The following PAX8 variants were observed in gnomAD, a reference collection of about 807,000 sequenced individuals.
PAX8 encodes the protein paired box protein Pax-8.
A neutral mutation model predicts 52.4 loss-of-function variants in PAX8; 15 were observed. The ratio of observed to expected loss-of-function variants is 0.29; its 90% CI spans 0.19 to 0.44. The LOEUF (loss-of-function observed/expected upper bound fraction) is 0.44. Among genes scored for constraint, PAX8 ranks in the 20% least tolerant of loss-of-function variants. The probability of loss-of-function intolerance (pLI) is 1.00; values close to 1 mark genes in which losing one functional copy is unlikely to be tolerated. For missense variants in PAX8, 554 were observed against 602.5 expected, an observed-to-expected ratio of 0.92 and a Z score of 0.84; for synonymous variants, 284 against 249.7, an observed-to-expected ratio of 1.14 and a Z score of -1.29.
At chr2:113,248,914 C>A (rs1303360384) in intron 2 of PAX8, among the ~76,000 whole-genome samples, 1 of 152,016 alleles carries the variant, frequency 6.6e-6, no homozygotes, top group Non-Finnish European at 1.5e-5. Flanking sequence ...TGTGATGATC[C>A]CAGATCGCAT....
chr2:113,276,669 A>C (rs1391533576), intron 2 of PAX8: 1 of 152,130 alleles, frequency 6.6e-6, no homozygotes, highest in East Asian at 1.9e-4. Flanking sequence ...GCGAAAAAAA[A>C]AAAAAGCTCA....
chr2:113,226,513 C>G, intron 10 of PAX8: 1 of 988,346 alleles, frequency 1.0e-6, no homozygotes, highest in Non-Finnish European at 1.2e-6. Flanking sequence ...AAATGACTGG[C>G]AGGCAGGTTC....
intron 9 of PAX8, among the ~76,000 whole-genome samples, chr2:113,228,315 C>G (rs1192422315): frequency 6.6e-6 from 1 of 152,210 alleles, no homozygotes; most frequent in Non-Finnish European, 1.5e-5. Context: ...AGGTGATGAC[C>G]AGTATCCCAG....
chr2:113,256,606 A>G (rs1573508229), intron 2 of PAX8, among the ~76,000 whole-genome samples: 1 of 141,158 alleles, frequency 7.1e-6, no homozygotes, highest in East Asian at 2.0e-4. Context: ...TGGAATATAT[A>G]TGTGTGTGTG....
chr2:113,246,401 C>T (rs1691324515), intron 3 of PAX8, among the ~76,000 whole-genome samples: 1 of 152,072 alleles, frequency 6.6e-6, no homozygotes, highest in Non-Finnish European at 1.5e-5. Flanking sequence ...TCCCTAGTGG[C>T]CTAATTTCCC....
intron 2 of PAX8, chr2:113,274,924 T>C (rs1211293051): frequency 6.6e-6 from 1 of 152,192 alleles, no homozygotes; most frequent in Non-Finnish European, 1.5e-5. Flanking sequence ...CTCAATAAAT[T>C]AGAGATTTGA....
At chr2:113,277,697 G>A (rs1693921013) in intron 2 of PAX8, among the ~76,000 whole-genome samples, 1 of 152,198 alleles carries the variant, frequency 6.6e-6, no homozygotes, top group Non-Finnish European at 1.5e-5. Context: ...AACAGGCATC[G>A]CGGCCTGGGA....
chr2:113,224,088 G>A (rs1689404551), intron 10 of PAX8, among the ~76,000 whole-genome samples: 2 of 152,006 alleles, frequency 1.3e-5, no homozygotes, highest in African/African-American at 4.8e-5. Context: ...AGGGATGGGT[G>A]GAAGAATGGA....
chr2:113,276,353 G>T (rs912317828), intron 2 of PAX8: 3 of 152,156 alleles, frequency 2.0e-5, no homozygotes, highest in Non-Finnish European at 4.4e-5. Context: ...ACTATGAGAA[G>T]AAAGTCTCAT....
rs116249963 is a variant in PAX8 at position 113,264,691 on chromosome 2, A to T, written c.25+13679T>A. On this transcript the variant is annotated intron_variant, in intron 2 of 11. Coordinates refer to ENST00000429538, the MANE Select transcript of PAX8 (RefSeq NM_003466.4). ...AAGAAGCTAAGTGACATTTGTTGGA[A>T]CAAGTACTGAGTACCCAGGGAGTGG... 5.1e-3 allele frequency among the ~76,000 whole-genome samples: 784 copies of T among 152,302 alleles called. 5 individuals carry two copies. Among genetic ancestry groups the T allele is most frequent in the Middle Eastern group, 0.01 (3 of 294 alleles).
At chr2:113,274,656 G>A (rs1188137228) in intron 2 of PAX8, 1 of 152,188 alleles carries the variant, frequency 6.6e-6, no homozygotes. Context: ...GGTATGAAAA[G>A]GCAAGTCACT....
At chr2:113,231,394 G>C (rs1689879210) in intron 9 of PAX8, among the ~76,000 whole-genome samples, 1 of 152,244 alleles carries the variant, frequency 6.6e-6, no homozygotes, top group East Asian at 1.9e-4. Context: ...AGCAATGTTA[G>C]GGGCACTCTT....
At chr2:113,235,320 C>A (rs1690188130) in intron 9 of PAX8, 74 bp downstream of exon 9, 3 of 1,280,332 alleles carry the variant, frequency 2.3e-6, no homozygotes, top group South Asian at 1.4e-5. Context: ...AGAGAGGGGG[C>A]TGGCGGTCTG....
At chr2:113,266,248 G>A (rs1693046550) in intron 2 of PAX8, 1 of 152,164 alleles carries the variant, frequency 6.6e-6, no homozygotes, top group African/African-American at 2.4e-5. Flanking sequence ...AAACCTCAGG[G>A]GTGACAGGGT....
At chr2:113,226,282 G>A in intron 10 of PAX8, 3 of 985,520 alleles carry the variant, frequency 3.0e-6, no homozygotes, top group Non-Finnish European at 3.6e-6. Flanking sequence ...TGGCATGGGG[G>A]TCACAGATGC....
intron 2 of PAX8, among the ~76,000 whole-genome samples, chr2:113,264,651 G>A (rs554035396): frequency 1.3e-5 from 2 of 152,198 alleles, no homozygotes; most frequent in African/African-American, 4.8e-5. Flanking sequence ...TAGCTCAGAG[G>A]CAGGTTGTCA....
chr2:113,227,382 C>T (rs1236729159), intron 9 of PAX8, 126 bp from the exon 10 acceptor site: 2 of 768,898 alleles, frequency 2.6e-6, no homozygotes, highest in East Asian at 5.4e-5. Flanking sequence ...TCCAAACCCA[C>T]TTCCTCCTGC....
intron 2 of PAX8, among the ~76,000 whole-genome samples, chr2:113,252,614 C>A (rs1009135882): frequency 2.0e-5 from 3 of 152,118 alleles, no homozygotes; most frequent in African/African-American, 7.2e-5. Flanking sequence ...TGCTGTTACC[C>A]CCAACTTGCT....
intron 2 of PAX8, among the ~76,000 whole-genome samples, chr2:113,261,301 C>A (rs1465517126): frequency 2.6e-5 from 4 of 152,112 alleles, no homozygotes; most frequent in Admixed American, 2.0e-4. Context: ...AGCAGATGAT[C>A]CTTCCAGTCC....
Sources: gnomAD v4.1 joint callset for allele counts (sites outside exome capture counted in the v4.1 genomes callset) on GRCh38, gnomAD v4.1.1 for gene constraint, MANE v1.5 for transcripts, NCBI Gene and HGNC (gene_info 2026-07-23, HGNC 2026-07-21) for gene names.